The following PIK3AP1 variants were observed in gnomAD, a reference collection of about 807,000 sequenced individuals.
PIK3AP1 encodes phosphoinositide-3-kinase adaptor protein 1, also known as phosphoinositide 3-kinase adapter protein 1.
A neutral mutation model predicts 88.1 loss-of-function variants in PIK3AP1; 21 were observed. The ratio of observed to expected loss-of-function variants is 0.24; its 90% CI spans 0.17 to 0.34. The LOEUF is 0.34. Among genes scored for constraint, PIK3AP1 ranks in the 10% least tolerant of loss-of-function variants. The pLI is 1.00. For synonymous variants in PIK3AP1, 398 were observed against 400.0 expected, an observed-to-expected ratio of 1.00 and a Z score of 0.06; for missense variants, 828 against 1,035.7, an observed-to-expected ratio of 0.80 and a Z score of 2.75.
intron 2 of PIK3AP1, among the ~76,000 whole-genome samples, chr10:96,703,004 G>A (rs1476318353): frequency 6.6e-6 from 1 of 152,090 alleles, no homozygotes; most frequent in Non-Finnish European, 1.5e-5. Context: ...AGCCTCTCCG[G>A]TAGCTGGGAT....
At chr10:96,697,213 C>T (rs1844232691) in intron 2 of PIK3AP1, among the ~76,000 whole-genome samples, 1 of 152,144 alleles carries the variant, frequency 6.6e-6, no homozygotes, top group African/African-American at 2.4e-5. Flanking sequence ...TAGGTATTAG[C>T]CCACCCCGAG....
chr10:96,637,356 A>ACACT (rs1491028868), intron 8 of PIK3AP1, among the ~76,000 whole-genome samples: 1 of 147,424 alleles, frequency 6.8e-6, no homozygotes, highest in Non-Finnish European at 1.5e-5. Context: ...ACACACACAC[A>ACACT]CTCTGTGATA....
intron 1 of PIK3AP1, among the ~76,000 whole-genome samples, chr10:96,718,572 A>T (rs2134299862): frequency 6.6e-6 from 1 of 152,326 alleles, no homozygotes. Flanking sequence ...ACACCTGCAG[A>T]AGCTGCTACA....
rs998405888 is a variant in PIK3AP1 at position 96,650,598 on chromosome 10, C to T, written c.988+650G>A. Among the ~76,000 whole-genome samples, 9 of 152,178 alleles carry T rather than the reference C, an allele frequency of 5.9e-5. No individual in the cohort carries two copies. In the East Asian group the frequency reaches 1.7e-3, roughly 29 times the overall value. On this transcript the variant is annotated intron_variant, in intron 6 of 16. Coordinates refer to ENST00000339364, the MANE Select transcript of PIK3AP1 (RefSeq NM_152309.3). ...GCTGAGGAGTGCTAGGTCAATGGCA[C>T]CCAACATGCTGGTGGTCGGGGGGTG...
chr10:96,695,121 T>G (rs1289284333), intron 2 of PIK3AP1, among the ~76,000 whole-genome samples: 1 of 152,112 alleles, frequency 6.6e-6, no homozygotes, highest in Non-Finnish European at 1.5e-5. Context: ...AAAAACACAA[T>G]CACAGTCAGA....
chr10:96,605,017 G>T (rs964643516), intron 14 of PIK3AP1, among the ~76,000 whole-genome samples: 1 of 152,018 alleles, frequency 6.6e-6, no homozygotes, highest in South Asian at 2.1e-4. Flanking sequence ...GTGCCACCAC[G>T]CCTGGCTAAT....
In PIK3AP1 at chr10:96,712,723, T is replaced by A. The variant is rs1017748298; in HGVS notation, c.14-2740A>T. On this transcript the variant is annotated intron_variant, in intron 1 of 16. Transcript: ENST00000339364. The stretch of plus-strand genomic sequence containing the variant: ...TGTCAAGTGTTATTGCAGATGTGCG[T>A]GCATGGGCACGAGCCATCAGGTAGG... Among the ~76,000 whole-genome samples, 5 of 152,254 alleles carry A rather than the reference T, an allele frequency of 3.3e-5. No individual in the cohort carries two copies. The East Asian group carries it at 9.6e-4, about 29-fold the overall frequency.
rs1264153967 is a variant in PIK3AP1, at chr10:96,598,043, TG to T, written c.2361-2410del. On this transcript the variant is annotated intron_variant, in intron 16 of 16. Coordinates refer to ENST00000339364, the MANE Select transcript of PIK3AP1 (RefSeq NM_152309.3). ...TAGTGGGTTTTTTTTGTTTTTTTGT[TG>T]TTTTTTTTTTTTTTTTTGAGACATG... Among the ~76,000 whole-genome samples the T allele has an allele frequency of 3.5e-4, 37 of 106,794 alleles. 1 individual carries two copies. Among genetic ancestry groups the T allele is most frequent in the Admixed American group, 1.5e-3 (14 of 9,630 alleles). The allele number at this position is 106,794 out of a possible 152,430, so 70.1% of individuals were successfully genotyped here.
chr10:96,697,611 C>T lies in PIK3AP1; in HGVS notation c.430+11956G>A, dbSNP rs190304902. 3.3e-3 allele frequency among the ~76,000 whole-genome samples: 502 copies of T among 152,030 alleles called. 9 individuals carry two copies. The highest frequency in any genetic ancestry group is 0.03 in the Admixed American group (454 of 15,270). ...GGGCATGATGGTGCATGCCTGTGGT[C>T]CCAGCTATTCAAGAGGCTGAGATGA... On this transcript the variant is annotated intron_variant, in intron 2 of 16. Coordinates refer to ENST00000339364, the MANE Select transcript of PIK3AP1 (RefSeq NM_152309.3).
rs768406145 is a variant in PIK3AP1, at chr10:96,648,686, G to T, written c.1158C>A (p.Asp386Glu). 1.9e-6 allele frequency: 3 copies of T among 1,609,030 alleles called. No individual in the cohort carries two copies. The highest frequency in any genetic ancestry group is 2.5e-6 in the Non-Finnish European group (3 of 1,177,996). ...NTIAEKHGFR[D>E]LRQFIDEYVE... ...CATACTCGTCGATGAACTGCCGCAG[G>T]TCCCTGAAGCCGTGTTTCTCAGCGA... Residue 386 changes from aspartate (D) to glutamate (E), a missense_variant, in exon 7 of 17, where the codon GAC (aspartate) becomes GAA (glutamate). Physicochemically the swap from Asp to Glu is conservative, Grantham distance 45. This residue lies in a region of PIK3AP1 where 610 missense variants were observed against 760.1 expected (regional missense o/e 0.80). Transcript: ENST00000339364.
chr10:96,674,808 G>A (rs540089778), intron 2 of PIK3AP1, among the ~76,000 whole-genome samples: 4 of 152,222 alleles, frequency 2.6e-5, no homozygotes, highest in Admixed American at 6.5e-5. Context: ...ACCAAGCTTC[G>A]CTGAAAATTC....
chr10:96,662,140 A>T (rs991266142), intron 2 of PIK3AP1, among the ~76,000 whole-genome samples: 1 of 152,250 alleles, frequency 6.6e-6, no homozygotes, highest in Non-Finnish European at 1.5e-5. Context: ...TAGCAGCATC[A>T]TTCCTAATAG....
intron 2 of PIK3AP1, among the ~76,000 whole-genome samples, chr10:96,681,818 C>T (rs1388947119): frequency 2.0e-5 from 3 of 152,034 alleles, no homozygotes; most frequent in Non-Finnish European, 4.4e-5. Flanking sequence ...ATCCTGAGTG[C>T]CTGTATCACA....
chr10:96,720,489 C>G lies in PIK3AP1; in HGVS notation c.-95G>C, dbSNP rs1844557800. 1 of 1,128,686 alleles carries G rather than the reference C, an allele frequency of 8.9e-7. No individual in the cohort carries two copies. Among genetic ancestry groups the G allele is most frequent in the South Asian group, 4.4e-5 (1 of 22,674 alleles). The allele number at this position is 1,128,686 out of a possible 1,614,324, so 69.9% of individuals were successfully genotyped here. On this transcript the variant is annotated 5_prime_UTR_variant, in exon 1 of 17. Transcript: ENST00000339364. This position sits in a 1 kb window ranked among gnomAD's most constrained non-coding sequence, Gnocchi z 4.6. ...TGGCTCGGGCTGGAGGGGCGCCGGGCTCCGCGCGGGACCGGCCGCCGCTCT... is the reference window on the plus strand; with the variant it reads ...TGGCTCGGGCTGGAGGGGCGCCGGGGTCCGCGCGGGACCGGCCGCCGCTCT...
intron 2 of PIK3AP1, among the ~76,000 whole-genome samples, chr10:96,698,157 C>T (rs563063548): frequency 1.3e-5 from 2 of 152,302 alleles, no homozygotes; most frequent in East Asian, 1.9e-4. Flanking sequence ...CCAGGAGCTC[C>T]GTTTCATTAG....
At chr10:96,606,368 C>G (rs1003266334) in intron 14 of PIK3AP1, among the ~76,000 whole-genome samples, 2 of 152,216 alleles carry the variant, frequency 1.3e-5, no homozygotes, top group African/African-American at 4.8e-5. Context: ...CATTCCCTTA[C>G]GATGAGCCAT....
At chr10:96,612,966 A>G (rs1190002428) in intron 13 of PIK3AP1, among the ~76,000 whole-genome samples, 62 of 107,218 alleles carry the variant, frequency 5.8e-4, no homozygotes, top group African/African-American at 2.4e-3. Flanking sequence ...ATATATATAT[A>G]TATATATATA....
chr10:96,634,027 A>C (rs1279173142), intron 8 of PIK3AP1, among the ~76,000 whole-genome samples: 1 of 152,172 alleles, frequency 6.6e-6, no homozygotes, highest in East Asian at 1.9e-4. Context: ...TCCAGACCAG[A>C]CTTGGAGCTC....
chr10:96,703,518 C>T (rs1844325094), intron 2 of PIK3AP1, among the ~76,000 whole-genome samples: 1 of 152,152 alleles, frequency 6.6e-6, no homozygotes, highest in Non-Finnish European at 1.5e-5. Flanking sequence ...TTTGCAAAAA[C>T]ACTCAATATC....
Sources: allele counts gnomAD v4.1 joint callset (sites outside exome capture counted in the v4.1 genomes callset), GRCh38; gene constraint gnomAD v4.1.1; regional missense constraint gnomAD v4.1.1; non-coding constraint Gnocchi (gnomAD v3.1); transcripts MANE v1.5; gene names NCBI Gene and HGNC (gene_info 2026-07-23, HGNC 2026-07-21).